COL25A1: variants seen among roughly 807,000 people sequenced by gnomAD.
The protein encoded by COL25A1 is collagen type XXV alpha 1 chain, also known as collagen alpha-1(XXV) chain.
COL25A1 carries 103 observed loss-of-function variants against 128.4 expected under a neutral mutation model. The ratio of observed to expected loss-of-function variants is 0.80; its 90% CI spans 0.68 to 0.94. The LOEUF is 0.94. COL25A1 is among the 40% of genes least tolerant of loss of function. COL25A1 has a pLI of 0.00. For missense variants in COL25A1, 745 were observed against 840.0 expected (o/e 0.89, Z 1.40); for synonymous variants, 279 against 277.2 (o/e 1.01, Z -0.06).
At chr4:109,223,013 C>T (rs543463022) in intron 3 of COL25A1, among the ~76,000 whole-genome samples, 111 of 152,248 alleles carry the variant, frequency 7.3e-4, no homozygotes, top group African/African-American at 2.5e-3. Context: ...AGAAGCTGAT[C>T]CTCTCGCCCT....
chr4:108,944,818 T>A (rs930322207), intron 8 of COL25A1, among the ~76,000 whole-genome samples: 2 of 152,148 alleles, frequency 1.3e-5, no homozygotes, highest in Non-Finnish European at 2.9e-5. Flanking sequence ...AACAGAATAA[T>A]CTCTATTTGA....
chr4:108,984,877 G>A (rs151058293), intron 6 of COL25A1, among the ~76,000 whole-genome samples: 1,544 of 152,364 alleles, frequency 0.01, 29 homozygotes, highest in African/African-American at 0.034. Flanking sequence ...CCAAGAGCCA[G>A]CGACGGCTGT....
intron 3 of COL25A1, among the ~76,000 whole-genome samples, chr4:109,247,606 GGAAGAAGTTAATACT>G (rs372174849): frequency 2.8e-4 from 43 of 152,250 alleles, no homozygotes; most frequent in African/African-American, 1.0e-3. Context: ...AGGAAGACCT[GGAAGAAGTTAATACT>G]GAAAAAACAG....
Position 108,942,728 on chromosome 4 carries a change from G to A in COL25A1, c.493-1291C>T, listed in dbSNP as rs369501959. Among the ~76,000 whole-genome samples, 328 of 146,994 alleles carry A rather than the reference G, an allele frequency of 2.2e-3. 1 individual carries two copies. The highest frequency in any genetic ancestry group is 7.7e-3 in the African/African-American group (306 of 39,794). On this transcript the variant is annotated intron_variant, in intron 8 of 37. Transcript: ENST00000399132. ...GCCTCCCAAAGTACTGGGATTACAG[G>A]CATGAGCCACCACATCTGGACTTTT... is the stretch of plus-strand genomic sequence containing the variant.
chr4:109,224,167 A>C (rs1354073304), intron 3 of COL25A1, among the ~76,000 whole-genome samples: 1 of 152,232 alleles, frequency 6.6e-6, no homozygotes, highest in Non-Finnish European at 1.5e-5. Context: ...AACAGTGATA[A>C]ACATAATAAA....
At chr4:109,162,704 T>C (rs991065920) in intron 3 of COL25A1, among the ~76,000 whole-genome samples, 3 of 152,100 alleles carry the variant, frequency 2.0e-5, no homozygotes, top group African/African-American at 7.2e-5. Flanking sequence ...AGAGTCAAAG[T>C]TTACTGGACC....
chr4:109,249,167 T>C (rs9991040), intron 3 of COL25A1, among the ~76,000 whole-genome samples: 52,494 of 151,992 alleles, frequency 0.35, 9,791 homozygotes, highest in African/African-American at 0.47. Context: ...TGAGGCTCCA[T>C]AGGCAAAAGT....
intron 3 of COL25A1, among the ~76,000 whole-genome samples, chr4:109,259,828 G>A (rs1024536520): frequency 3.3e-5 from 5 of 151,682 alleles, no homozygotes; most frequent in African/African-American, 7.3e-5. Flanking sequence ...ACCTTCCTCC[G>A]GCATCCCATT....
At chr4:109,008,966 C>A (rs533787060) in intron 6 of COL25A1, among the ~76,000 whole-genome samples, 69 of 151,978 alleles carry the variant, frequency 4.5e-4, no homozygotes, top group African/African-American at 1.5e-3. Flanking sequence ...ACTAAAAATA[C>A]AAAAATTAGC....
At position 108,886,478 on chromosome 4, in the gene COL25A1, G is replaced by GTTTTTTTTTTT. The variant is rs1376745333; in HGVS notation, c.976-2257_976-2256insAAAAAAAAAAA. Among the ~76,000 whole-genome samples, 11 of 125,426 alleles carry GTTTTTTTTTTT rather than the reference G, an allele frequency of 8.8e-5. 1 individual carries two copies. Among genetic ancestry groups the GTTTTTTTTTTT allele is most frequent in the African/African-American group, 3.5e-4 (11 of 31,822 alleles). The allele number at this position is 125,426 out of a possible 152,430, so 82.3% of individuals were successfully genotyped here. ...TGTGTGTGTGTGTGTGTGTGTGTGT[G>GTTTTTTTTTTT]TGTGTGTGTGTGTGTTTAGCTCATC... On this transcript the variant is annotated intron_variant, in intron 18 of 37. Transcript: ENST00000399132.
At chr4:109,242,039 C>T (rs1779930019) in intron 3 of COL25A1, among the ~76,000 whole-genome samples, 1 of 151,714 alleles carries the variant, frequency 6.6e-6, no homozygotes, top group Non-Finnish European at 1.5e-5. Flanking sequence ...AATCAAGGGC[C>T]CTGGGTCTGG....
At chr4:108,933,851 G>GAC (rs3065581) in intron 11 of COL25A1, among the ~76,000 whole-genome samples, 25,837 of 148,194 alleles carry the variant, frequency 0.17, 2,287 homozygotes, top group Non-Finnish European at 0.2. Context: ...CAAGTTCACA[G>GAC]ACACACACAC....
At chr4:109,160,032 C>T (rs930111597) in intron 3 of COL25A1, among the ~76,000 whole-genome samples, 1 of 152,056 alleles carries the variant, frequency 6.6e-6, no homozygotes, top group African/African-American at 2.4e-5. Context: ...TGTAAAATAA[C>T]AAAAGTTTGT....
intron 10 of COL25A1, among the ~76,000 whole-genome samples, chr4:108,939,421 A>C (rs185313707): frequency 4.2e-4 from 64 of 152,292 alleles, no homozygotes; most frequent in African/African-American, 1.5e-3. Context: ...AGCTTTCAGA[A>C]AGGGATATGG....
At position 109,300,568 on chromosome 4, in the gene COL25A1, T is replaced by C. The variant is rs768567389; in HGVS notation, c.367+15A>G. The C allele has an allele frequency of 1.9e-6, 3 of 1,576,416 alleles. No individual in the cohort carries two copies. Among genetic ancestry groups the C allele is most frequent in the Non-Finnish European group, 2.6e-6 (3 of 1,145,468 alleles). Reference sequence around the variant, plus strand: ...CTGCTCTGGAGGAAACCTTGTTAAATAAGTTCCATTTTACCTGCTGGGCAG... The same window carrying C: ...CTGCTCTGGAGGAAACCTTGTTAAACAAGTTCCATTTTACCTGCTGGGCAG... On this transcript the variant is annotated intron_variant, in intron 3 of 37. Coordinates refer to ENST00000399132, the MANE Select transcript of COL25A1 (RefSeq NM_198721.4).
intron 29 of COL25A1, among the ~76,000 whole-genome samples, chr4:108,844,917 A>G (rs115546122): frequency 6.6e-6 from 1 of 152,204 alleles, no homozygotes; most frequent in Non-Finnish European, 1.5e-5. Flanking sequence ...TTCTATATTC[A>G]CAAAGATCTA....
intron 24 of COL25A1, among the ~76,000 whole-genome samples, chr4:108,858,081 T>A (rs908127646): frequency 6.6e-6 from 1 of 152,036 alleles, no homozygotes; most frequent in African/African-American, 2.4e-5. Context: ...ATGATAACAA[T>A]GATTATATCA....
chr4:109,165,001 G>A (rs543883685), intron 3 of COL25A1, among the ~76,000 whole-genome samples: 11 of 152,244 alleles, frequency 7.2e-5, no homozygotes, highest in Middle Eastern at 3.4e-3. Context: ...TCTGAATTCA[G>A]AGACATCTTC....
chr4:108,846,999 G>C lies in COL25A1; in HGVS notation c.1435-780C>G, dbSNP rs554252346. ...TGGCTCACTGCAACCTCCGGCTCCT[G>C]GGTTCAAGCCATTCTCCTGCTTCAG... On this transcript the variant is annotated intron_variant, in intron 27 of 37. Transcript: ENST00000399132. Among the ~76,000 whole-genome samples, 9 of 149,026 alleles carry C rather than the reference G, an allele frequency of 6.0e-5. No homozygotes were observed. The South Asian group carries it at 1.7e-3, about 28-fold the overall frequency.
Sources: gnomAD v4.1 joint callset for allele counts (sites outside exome capture counted in the v4.1 genomes callset) on GRCh38, gnomAD v4.1.1 for gene constraint, MANE v1.5 for transcripts, NCBI Gene and HGNC (gene_info 2026-07-23, HGNC 2026-07-21) for gene names.